The following GRM5 variants were observed in gnomAD, a reference collection of about 807,000 sequenced individuals.
GRM5 encodes the protein glutamate metabotropic receptor 5.
In GRM5, 19 loss-of-function variants were observed where a neutral mutation model predicts 83.1. The ratio of observed to expected loss-of-function variants is 0.23; its 90% CI spans 0.16 to 0.34. The LOEUF (loss-of-function observed/expected upper bound fraction) is 0.34. Ranked by LOEUF, GRM5 falls within the 10% of genes least tolerant of loss-of-function variation. The pLI is 1.00. For synonymous variants in GRM5, 675 were observed against 633.6 expected (o/e 1.07, Z -0.98); for missense variants, 1,160 against 1,588.3 (o/e 0.73, Z 4.58).
At chr11:88,815,455 A>C (rs1438346391) in intron 3 of GRM5, among the ~76,000 whole-genome samples, 1 of 152,204 alleles carries the variant, frequency 6.6e-6, no homozygotes, top group Non-Finnish European at 1.5e-5. Flanking sequence ...AAAAGAAAGA[A>C]GGTTCTTAAT....
intron 2 of GRM5, among the ~76,000 whole-genome samples, chr11:88,952,650 T>A (rs1428412934): frequency 1.3e-5 from 2 of 151,624 alleles, no homozygotes; most frequent in African/African-American, 4.9e-5. Context: ...TCCCCAGGAA[T>A]GCTAATGTGG....
intron 2 of GRM5, among the ~76,000 whole-genome samples, chr11:88,880,605 G>C (rs957281740): frequency 6.6e-6 from 1 of 152,126 alleles, no homozygotes; most frequent in Non-Finnish European, 1.5e-5. Flanking sequence ...TTCTGAGCAA[G>C]AACTTGGTAG....
intron 3 of GRM5, among the ~76,000 whole-genome samples, chr11:88,695,655 T>C (rs1940885889): frequency 6.6e-6 from 1 of 152,176 alleles, no homozygotes; most frequent in Admixed American, 6.5e-5. Flanking sequence ...CCAAATACAA[T>C]GGTCCTGAAA....
chr11:88,842,865 T>C (rs1195849356), intron 3 of GRM5, among the ~76,000 whole-genome samples: 1 of 152,208 alleles, frequency 6.6e-6, no homozygotes, highest in Non-Finnish European at 1.5e-5. Context: ...TCCTACCTAG[T>C]AGACTACTTT....
intron 3 of GRM5, among the ~76,000 whole-genome samples, chr11:88,768,659 A>T (rs1942669537): frequency 6.6e-6 from 1 of 151,938 alleles, no homozygotes; most frequent in Admixed American, 6.6e-5. Flanking sequence ...AAAAATAGCC[A>T]CACCTGAAAG....
chr11:89,033,427 T>G (rs924042887), intron 2 of GRM5, among the ~76,000 whole-genome samples: 2 of 152,008 alleles, frequency 1.3e-5, no homozygotes, highest in African/African-American at 4.8e-5. Flanking sequence ...TTAGGAATGG[T>G]TAAAATTTAT....
At chr11:89,059,418 T>C (rs563012) in intron 1 of GRM5, among the ~76,000 whole-genome samples, 140,811 of 152,134 alleles carry the variant, frequency 0.93, 65,205 homozygotes, top group Middle Eastern at 0.96. Context: ...TGCACATTCC[T>C]TTGCAGAGGA....
intron 3 of GRM5, among the ~76,000 whole-genome samples, chr11:88,826,176 C>T (rs959924980): frequency 4.6e-5 from 7 of 152,026 alleles, no homozygotes; most frequent in African/African-American, 7.2e-5. Flanking sequence ...AGAGTATTGA[C>T]AGTTCAATTT....
At chr11:88,765,332 C>T (rs1454304801) in intron 3 of GRM5, among the ~76,000 whole-genome samples, 5 of 148,648 alleles carry the variant, frequency 3.4e-5, no homozygotes, top group African/African-American at 1.2e-4. Flanking sequence ...AACACCAATA[C>T]TTCTCAAATT....
intron 3 of GRM5, among the ~76,000 whole-genome samples, chr11:88,833,732 GATTA>G (rs1200988565): frequency 2.0e-5 from 3 of 152,104 alleles, no homozygotes; most frequent in Non-Finnish European, 4.4e-5. Context: ...TCCATCAATG[GATTA>G]ATTGTTAAGA....
intron 2 of GRM5, among the ~76,000 whole-genome samples, chr11:89,006,927 AGCTGGGACTACAGGCG>A (rs1306338325): frequency 7.9e-5 from 12 of 152,162 alleles, no homozygotes; most frequent in Non-Finnish European, 1.5e-4. Context: ...CCTCCTGAGT[AGCTGGGACTACAGGCG>A]CCCGCCACCA....
intron 3 of GRM5, among the ~76,000 whole-genome samples, chr11:88,761,641 A>G (rs916941653): frequency 6.6e-6 from 1 of 152,120 alleles, no homozygotes; most frequent in Non-Finnish European, 1.5e-5. Context: ...AGTAATTTAT[A>G]GATTCAATGC....
Position 88,741,948 on chromosome 11 carries a change from T to A in GRM5, c.912-88545A>T, listed in dbSNP as rs557452324. Reference sequence around the variant, plus strand: ...AAAAGCAAACACATTTAAAACAATATGGAAGTGGCCCAGCAAGATATCTAC... The same window carrying A: ...AAAAGCAAACACATTTAAAACAATAAGGAAGTGGCCCAGCAAGATATCTAC... On this transcript the variant is annotated intron_variant, in intron 3 of 9. Coordinates refer to ENST00000305447, the MANE Select transcript of GRM5 (RefSeq NM_001143831.3). 3.5e-4 allele frequency among the ~76,000 whole-genome samples: 53 copies of A among 152,046 alleles called. 1 individual carries two copies. The highest frequency in any genetic ancestry group is 1.3e-3 in the African/African-American group (52 of 41,488).
intron 2 of GRM5, among the ~76,000 whole-genome samples, chr11:88,992,808 A>T (rs1940026443): frequency 6.9e-6 from 1 of 144,348 alleles, no homozygotes; most frequent in Non-Finnish European, 1.5e-5. Context: ...ATAGGTGTGG[A>T]TTGAACAATG....
chr11:88,998,986 G>T (rs145326483), intron 2 of GRM5, among the ~76,000 whole-genome samples: 15,227 of 152,138 alleles, frequency 0.1, 1,027 homozygotes, highest in Non-Finnish European at 0.15. Context: ...AAGAAATGGG[G>T]AAAGGATTCC....
chr11:88,907,322 G>C (rs373381000), intron 2 of GRM5, among the ~76,000 whole-genome samples: 1 of 152,158 alleles, frequency 6.6e-6, no homozygotes, highest in East Asian at 1.9e-4. Context: ...GTGTCCCACA[G>C]AGGGACCACA....
At chr11:88,888,304 C>G (rs1429341031) in intron 2 of GRM5, among the ~76,000 whole-genome samples, 2 of 152,152 alleles carry the variant, frequency 1.3e-5, no homozygotes, top group Non-Finnish European at 2.9e-5. Context: ...ACAGACAGCT[C>G]TGCAAGCAGC....
intron 8 of GRM5, among the ~76,000 whole-genome samples, chr11:88,562,675 C>T (rs2135164191): frequency 6.6e-6 from 1 of 151,814 alleles, no homozygotes; most frequent in Non-Finnish European, 1.5e-5. Flanking sequence ...ATTCCTCTTC[C>T]TTCTGCGACT....
intron 7 of GRM5, among the ~76,000 whole-genome samples, chr11:88,586,898 G>C (rs1245465641): frequency 2.0e-5 from 3 of 152,078 alleles, no homozygotes; most frequent in Non-Finnish European, 4.4e-5. Context: ...GCCCCACACT[G>C]TCTATATAGG....
Sources: gnomAD v4.1 joint callset for allele counts (sites outside exome capture counted in the v4.1 genomes callset) on GRCh38, gnomAD v4.1.1 for gene constraint, MANE v1.5 for transcripts, NCBI Gene and HGNC (gene_info 2026-07-23, HGNC 2026-07-21) for gene names.